The following LAPTM4B variants were observed in gnomAD, a reference collection of about 807,000 sequenced individuals.
LAPTM4B encodes lysosomal-associated transmembrane protein 4B.
In LAPTM4B, 26 loss-of-function variants were observed where a neutral mutation model predicts 28.5. That is an observed-to-expected ratio of 0.91 (90% CI 0.67 to 1.27). The LOEUF is 1.27. LAPTM4B is among the 50% of genes most tolerant of loss of function. The probability of loss-of-function intolerance (pLI) is 0.00; values close to 1 mark genes in which losing one functional copy is unlikely to be tolerated. For synonymous variants in LAPTM4B, 109 were observed against 106.4 expected (o/e 1.02, Z -0.15); for missense variants, 288 against 285.8 (o/e 1.01, Z -0.06).
At chr8:97,849,811 C>A (rs550749215) in intron 6 of LAPTM4B, among the ~76,000 whole-genome samples, 1 of 151,532 alleles carries the variant, frequency 6.6e-6, no homozygotes, top group Non-Finnish European at 1.5e-5. Context: ...CCTCCACCCC[C>A]CTGCCCGCCT....
intron 1 of LAPTM4B, among the ~76,000 whole-genome samples, chr8:97,797,138 C>CT (rs34761391): frequency 0.82 from 120,575 of 146,468 alleles, 51,323 homozygotes; most frequent in Non-Finnish European, 0.96. Flanking sequence ...GGAATTACAA[C>CT]TTTTTTTTTT....
intron 1 of LAPTM4B, among the ~76,000 whole-genome samples, chr8:97,792,005 T>C (rs1256132210): frequency 1.3e-5 from 2 of 152,096 alleles, no homozygotes; most frequent in Non-Finnish European, 2.9e-5. Flanking sequence ...CTGGTTGAAT[T>C]TGGGGGGAAA....
intron 6 of LAPTM4B, among the ~76,000 whole-genome samples, chr8:97,846,464 A>T (rs1490260244): frequency 1.3e-5 from 2 of 151,772 alleles, no homozygotes; most frequent in Non-Finnish European, 2.9e-5. Context: ...AGTAGCTGGG[A>T]TTACAGGCAT....
intron 2 of LAPTM4B, among the ~76,000 whole-genome samples, chr8:97,812,844 A>ATCAC (rs1563611188): frequency 1.3e-5 from 2 of 152,146 alleles, no homozygotes; most frequent in African/African-American, 4.8e-5. Context: ...GCCCAAACAA[A>ATCAC]TCACTGCCTG....
At chr8:97,819,535 CT>C (rs957788969) in intron 5 of LAPTM4B, among the ~76,000 whole-genome samples, 2 of 151,948 alleles carry the variant, frequency 1.3e-5, no homozygotes, top group African/African-American at 4.8e-5. Flanking sequence ...AATGGATATT[CT>C]TTTGTAATTT....
At chr8:97,817,445 C>CTTTTTTTTTTTTTTTTTTTT in intron 4 of LAPTM4B, among the ~76,000 whole-genome samples, 1 of 89,004 alleles carries the variant, frequency 1.1e-5, no homozygotes, top group Non-Finnish European at 2.3e-5. Context: ...GCCAACTTTA[C>CTTTTTTTTTTTTTTTTTTTT]TTTTTTTTTT....
At chr8:97,782,903 G>A (rs934523501) in intron 1 of LAPTM4B, among the ~76,000 whole-genome samples, 3 of 97,114 alleles carry the variant, frequency 3.1e-5, no homozygotes, top group Non-Finnish European at 6.7e-5. Context: ...GGCTAATTTT[G>A]TATTTTATTT....
intron 6 of LAPTM4B, among the ~76,000 whole-genome samples, chr8:97,831,617 T>G (rs1209738776): frequency 6.6e-6 from 1 of 152,104 alleles, no homozygotes; most frequent in South Asian, 2.1e-4. Flanking sequence ...AGAGTGGGCT[T>G]GTGAGGCAGG....
chr8:97,784,549 C>T (rs1816373018), intron 1 of LAPTM4B, among the ~76,000 whole-genome samples: 1 of 152,198 alleles, frequency 6.6e-6, no homozygotes, highest in South Asian at 2.1e-4. Flanking sequence ...AAGCCATTCT[C>T]CTGCCTCAGC....
In LAPTM4B at chr8:97,825,203, A is replaced by G. The variant is rs910312618; in HGVS notation, c.603+50A>G. On this transcript the variant is annotated intron_variant, in intron 6 of 6. Coordinates refer to ENST00000521545, the MANE Select transcript of LAPTM4B (RefSeq NM_018407.6). ...GAGATCTCGCCCACACCTTTACTGTATGCTGATCTTTAAGTGTTTCTAGTG... is the reference window on the plus strand; with the variant it reads ...GAGATCTCGCCCACACCTTTACTGTGTGCTGATCTTTAAGTGTTTCTAGTG... 7.3e-6 allele frequency: 7 copies of G among 958,714 alleles called. No homozygotes were observed. The South Asian group carries it at 8.3e-5, about 11-fold the overall frequency. 59.4% of individuals were successfully genotyped at this position (958,714 alleles called of 1,614,324 possible). A position where few individuals can be genotyped will look rare whatever the true frequency, so the allele number is the denominator to read the frequency against.
chr8:97,805,350 C>A lies in LAPTM4B; in HGVS notation c.100-3C>A. 5 of 1,051,510 alleles carry A rather than the reference C, an allele frequency of 4.8e-6. No homozygotes were observed. The highest frequency in any genetic ancestry group is 2.0e-5 in the African/African-American group (1 of 49,814). 65.1% of individuals were successfully genotyped at this position (1,051,510 alleles called of 1,614,324 possible). Reference sequence around the variant, plus strand: ...TTTTTTTTTTTTTTTTTTCTTGTTGCAGATCATCAATGCTGTGGTACTGTT... The same window carrying A: ...TTTTTTTTTTTTTTTTTTCTTGTTGAAGATCATCAATGCTGTGGTACTGTT... On this transcript the variant is annotated splice_region_variant and splice_polypyrimidine_tract_variant and intron_variant, in intron 1 of 6. Transcript: ENST00000521545.
At chr8:97,811,130 C>G (rs541837146) in intron 2 of LAPTM4B, among the ~76,000 whole-genome samples, 5 of 152,308 alleles carry the variant, frequency 3.3e-5, no homozygotes, top group African/African-American at 1.2e-4. Context: ...GTATCGATGC[C>G]AAACAGCTGG....
chr8:97,819,665 G>A (rs749952844), intron 5 of LAPTM4B, among the ~76,000 whole-genome samples: 1 of 150,784 alleles, frequency 6.6e-6, no homozygotes, highest in Non-Finnish European at 1.5e-5. Flanking sequence ...CACTTAATAG[G>A]GCTGTAGTGA....
intron 1 of LAPTM4B, among the ~76,000 whole-genome samples, chr8:97,786,570 G>A (rs940260054): frequency 2.0e-5 from 3 of 151,832 alleles, no homozygotes; most frequent in East Asian, 1.9e-4. Context: ...ATGGTGGCAC[G>A]TGCCTGTAGT....
At chr8:97,846,422 G>T (rs1390094339) in intron 6 of LAPTM4B, among the ~76,000 whole-genome samples, 2 of 151,636 alleles carry the variant, frequency 1.3e-5, no homozygotes, top group Non-Finnish European at 2.9e-5. Flanking sequence ...CCGCCTCCCG[G>T]GTTCAAGCAA....
At chr8:97,813,684 C>A (rs138408080) in intron 2 of LAPTM4B, among the ~76,000 whole-genome samples, 1 of 149,656 alleles carries the variant, frequency 6.7e-6, no homozygotes, top group African/African-American at 2.4e-5. Flanking sequence ...TTAACGTGCT[C>A]ACCGGCTGCT....
chr8:97,816,263 A>ATCCCTTACTT, intron 4 of LAPTM4B, 83 bp downstream of exon 4: 1 of 1,308,358 alleles, frequency 7.6e-7, no homozygotes, highest in Non-Finnish European at 1.0e-6. Context: ...AGAGATACAC[A>ATCCCTTACTT]GACATTAATT....
chr8:97,817,278 T>C (rs72673414), intron 4 of LAPTM4B, among the ~76,000 whole-genome samples: 55,271 of 151,532 alleles, frequency 0.36, 12,111 homozygotes, highest in Middle Eastern at 0.5. Context: ...ACTATAGGCA[T>C]GCACCACCAT....
rs4284020 is a variant in LAPTM4B, at chr8:97,815,396, T to C, written c.280T>C (p.Tyr94His). 3.1e-6 allele frequency: 5 copies of C among 1,612,734 alleles called. No homozygotes were observed. The African/African-American group carries it at 6.7e-5, about 22-fold the overall frequency. ...ATGTGCTATGGCTACTTACGGAGCG[T>C]ACAAGGTAAGCCGCTTGCAGTAAGA... is the stretch of plus-strand genomic sequence containing the variant. ...LICAMATYGAYKQRAAWIIPF... is the reference protein window; with the variant it reads ...LICAMATYGAHKQRAAWIIPF... The change falls in exon 3 of 7, where the codon TAC (tyrosine) becomes CAC (histidine). Residue 94 changes from tyrosine (Y) to histidine (H), a missense_variant. By Grantham distance (83) the Tyr-to-His change is moderately conservative. Transcript: ENST00000521545.
Sources: allele counts gnomAD v4.1 joint callset (sites outside exome capture counted in the v4.1 genomes callset), GRCh38; gene constraint gnomAD v4.1.1; transcripts MANE v1.5; gene names NCBI Gene and HGNC (gene_info 2026-07-23, HGNC 2026-07-21).